The following SQLE variants were observed in gnomAD, a reference collection of about 807,000 sequenced individuals.
The protein encoded by SQLE is squalene epoxidase, also known as squalene monooxygenase.
A neutral mutation model predicts 60.7 loss-of-function variants in SQLE; 29 were observed. The ratio of observed to expected loss-of-function variants is 0.48; its 90% CI spans 0.36 to 0.65. The LOEUF (loss-of-function observed/expected upper bound fraction) is 0.65. Among genes scored for constraint, SQLE ranks in the 30% least tolerant of loss-of-function variants. The probability of loss-of-function intolerance (pLI) is 0.00; values close to 1 mark genes in which losing one functional copy is unlikely to be tolerated. For missense variants in SQLE, 605 were observed against 684.1 expected (o/e 0.88, Z 1.29); for synonymous variants, 237 against 246.8 (o/e 0.96, Z 0.37).
intron 8 of SQLE, 146 bp from the exon 9 acceptor site, chr8:125,018,485 T>C (rs1815145816): frequency 3.0e-6 from 2 of 672,460 alleles, no homozygotes; most frequent in African/African-American, 1.8e-5. Flanking sequence ...AAGGTGATTT[T>C]TTATTTTTTT....
Position 125,011,893 on chromosome 8 carries a change from C to T in SQLE, c.1204+261C>T, listed in dbSNP as rs746334868. 1.0e-4 allele frequency among the ~76,000 whole-genome samples: 10 copies of T among 96,948 alleles called. 1 individual carries two copies. The highest frequency in any genetic ancestry group is 2.0e-4 in the Non-Finnish European group (10 of 48,842). 63.6% of individuals were successfully genotyped at this position (96,948 alleles called of 152,430 possible). A position where few individuals can be genotyped will look rare whatever the true frequency, so the allele number is the denominator to read the frequency against. Reference sequence around the variant, plus strand: ...GCAATTTTCTACTTAGGAATGTAGACAGATAATTTTACAACACTGTTGATA... The same window carrying T: ...GCAATTTTCTACTTAGGAATGTAGATAGATAATTTTACAACACTGTTGATA... On this transcript the variant is annotated intron_variant, in intron 7 of 10. Transcript: ENST00000265896.
chr8:125,012,257 AACTT>A (rs1156832888), intron 7 of SQLE, among the ~76,000 whole-genome samples: 1 of 152,198 alleles, frequency 6.6e-6, no homozygotes, highest in Non-Finnish European at 1.5e-5. Context: ...TCTTGTTACT[AACTT>A]TATTGATATA....
intron 7 of SQLE, among the ~76,000 whole-genome samples, chr8:125,013,958 A>G (rs1301437194): frequency 2.0e-5 from 3 of 152,090 alleles, no homozygotes; most frequent in African/African-American, 7.2e-5. Flanking sequence ...TAAGTATTTT[A>G]CCTTTTTTGA....
At chr8:125,021,125 A>G (rs1443884702) in intron 10 of SQLE, among the ~76,000 whole-genome samples, 1 of 152,310 alleles carries the variant, frequency 6.6e-6, no homozygotes. Flanking sequence ...TTTTTTGCCT[A>G]TGGATTTATC....
intron 7 of SQLE, among the ~76,000 whole-genome samples, chr8:125,015,891 C>T (rs752833043): frequency 3.3e-5 from 5 of 150,998 alleles, no homozygotes; most frequent in Non-Finnish European, 7.4e-5. Context: ...CATAAAAGTT[C>T]TTTTCCTTCA....
intron 8 of SQLE, 89 bp from the exon 9 acceptor site, chr8:125,018,542 A>G (rs1815146700): frequency 1.2e-6 from 1 of 827,122 alleles, no homozygotes; most frequent in Non-Finnish European, 1.9e-6. Context: ...TAGTCCTTAG[A>G]AGGATAAGTA....
chr8:125,004,493 A>G lies in SQLE; in HGVS notation c.545-1032A>G, dbSNP rs138242147. ...ATTAGTTCATAGTATCACCAGTAGT[A>G]TATGAATTTATCAGTTTTATCATAA... On this transcript the variant is annotated intron_variant, in intron 2 of 10. Transcript: ENST00000265896. 4.1e-3 allele frequency among the ~76,000 whole-genome samples: 627 copies of G among 152,150 alleles called. 7 individuals carry two copies. Among genetic ancestry groups the G allele is most frequent in the African/African-American group, 0.013 (554 of 41,554 alleles).
chr8:125,007,341 A>T, intron 3 of SQLE, 50 bp from the exon 4 acceptor site: 1 of 1,354,832 alleles, frequency 7.4e-7, no homozygotes, highest in Non-Finnish European at 1.0e-6. Context: ...TATTTAATTT[A>T]AATTGCTGAA....
chr8:125,021,552 G>A (rs188320055), intron 10 of SQLE, among the ~76,000 whole-genome samples: 20 of 150,478 alleles, frequency 1.3e-4, no homozygotes, highest in African/African-American at 4.9e-4. Context: ...GGGGGGTGGG[G>A]GGTTTGCTCC....
intron 1 of SQLE, among the ~76,000 whole-genome samples, chr8:125,002,947 TATTTA>T (rs1171188420): frequency 6.6e-6 from 1 of 152,220 alleles, no homozygotes; most frequent in Non-Finnish European, 1.5e-5. Context: ...AAACAATAAA[TATTTA>T]ATTTTATTGG....
At chr8:125,001,278 A>G (rs181364461) in intron 1 of SQLE, among the ~76,000 whole-genome samples, 220 of 152,270 alleles carry the variant, frequency 1.4e-3, no homozygotes, top group African/African-American at 5.0e-3. Context: ...AAATTGGGTT[A>G]CCAGCAATCA....
chr8:125,009,342 T>G lies in SQLE; in HGVS notation c.1107T>G (p.Pro369=). ...YMVEKIYPQI[P]DHLKEPFLEA... Reference sequence around the variant, plus strand: ...TTGAAAAAATTTACCCACAAATACCTGGTAAGAAATAGCATCTTCAGTTCT... The same window carrying G: ...TTGAAAAAATTTACCCACAAATACCGGGTAAGAAATAGCATCTTCAGTTCT... Residue 369 remains proline, a splice_region_variant and synonymous_variant, in exon 6 of 11, where the codon CCT becomes CCG. Transcript: ENST00000265896. The G allele has an allele frequency of 6.2e-7, 1 of 1,609,822 alleles. No homozygotes were observed. Among genetic ancestry groups the G allele is most frequent in the Non-Finnish European group, 8.5e-7 (1 of 1,178,220 alleles).
In SQLE at chr8:125,012,403, T is replaced by C. The variant is rs554968281; in HGVS notation, c.1204+771T>C. 2.6e-5 allele frequency among the ~76,000 whole-genome samples: 4 copies of C among 152,260 alleles called. No homozygotes were observed. In the East Asian group the frequency reaches 5.8e-4, roughly 22 times the overall value. ...CTTGCCCAAAGAAACCCCGTACCCA[T>C]TGGTATTCACTCCCCATTTCCTCCC... On this transcript the variant is annotated intron_variant, in intron 7 of 10. Coordinates refer to ENST00000265896, the MANE Select transcript of SQLE (RefSeq NM_003129.4).
At chr8:125,002,841 T>TA (rs1228648780) in intron 1 of SQLE, among the ~76,000 whole-genome samples, 3 of 152,216 alleles carry the variant, frequency 2.0e-5, no homozygotes, top group Non-Finnish European at 4.4e-5. Flanking sequence ...TGCCCTATAA[T>TA]AAGTCTTTGA....
At chr8:125,013,318 T>A (rs1391421567) in intron 7 of SQLE, among the ~76,000 whole-genome samples, 4 of 151,370 alleles carry the variant, frequency 2.6e-5, no homozygotes, top group Middle Eastern at 3.2e-3. Context: ...CTTTGTCCAA[T>A]CTAAGTTCAA....
chr8:124,998,955 G>T lies in SQLE; in HGVS notation c.-449G>T, dbSNP rs537397254. On this transcript the variant is annotated 5_prime_UTR_variant, in exon 1 of 11. Transcript: ENST00000265896. ...AGGCCACGTTTCCCCCAGTGCCGAGGTGTTTCTGTGACCCTCCCTCCACTC... is the reference window on the plus strand; with the variant it reads ...AGGCCACGTTTCCCCCAGTGCCGAGTTGTTTCTGTGACCCTCCCTCCACTC... The T allele has an allele frequency of 3.4e-5, 11 of 323,294 alleles. No homozygotes were observed. The highest frequency in any genetic ancestry group is 5.6e-5 in the Non-Finnish European group (10 of 178,696). 20.0% of individuals were successfully genotyped at this position (323,294 alleles called of 1,614,324 possible).
At position 124,998,570 on chromosome 8, in the gene SQLE, C is replaced by T. The variant is rs1321686295; in HGVS notation, c.-834C>T. On this transcript the variant is annotated 5_prime_UTR_variant, in exon 1 of 11. Transcript: ENST00000265896. The stretch of plus-strand genomic sequence containing the variant: ...GTTACTCTGGTTACTGGGGCCGCGC[C>T]GCGCTGGCGAGAGCCGCCGCCCGCG... The T allele has an allele frequency of 5.8e-6, 4 of 683,928 alleles. No individual in the cohort carries two copies. The highest frequency in any genetic ancestry group is 1.1e-5 in the Non-Finnish European group (4 of 376,794). The allele number at this position is 683,928 out of a possible 1,614,324, so 42.4% of individuals were successfully genotyped here.
At chr8:125,015,585 A>G (rs903264427) in intron 7 of SQLE, among the ~76,000 whole-genome samples, 5 of 152,184 alleles carry the variant, frequency 3.3e-5, no homozygotes, top group African/African-American at 9.6e-5. Context: ...CTTGCAGGTC[A>G]TATCTTATAA....
At position 125,011,556 on chromosome 8, in the gene SQLE, C is replaced by G; in HGVS notation, c.1128C>G (p.Phe376Leu). ...TTGCAGATCACCTGAAAGAACCATTCTTAGAAGCCACTGACAATTCTCATC... is the reference window on the plus strand; with the variant it reads ...TTGCAGATCACCTGAAAGAACCATTGTTAGAAGCCACTGACAATTCTCATC... ...PQIPDHLKEP[F>L]LEATDNSHLR... The change falls in exon 7 of 11, where the codon TTC becomes TTG. Residue 376 changes from phenylalanine to leucine, a missense_variant. Physicochemically the swap from Phe to Leu is conservative, Grantham distance 22 (BLOSUM62 0). Coordinates refer to ENST00000265896, the MANE Select transcript of SQLE (RefSeq NM_003129.4). 1 of 1,584,740 alleles carries G rather than the reference C, an allele frequency of 6.3e-7. No homozygotes were observed. Among genetic ancestry groups the G allele is most frequent in the Non-Finnish European group, 8.6e-7 (1 of 1,163,852 alleles).
Sources: gnomAD v4.1 joint callset for allele counts (sites outside exome capture counted in the v4.1 genomes callset) on GRCh38, gnomAD v4.1.1 for gene constraint, MANE v1.5 for transcripts, NCBI Gene and HGNC (gene_info 2026-07-23, HGNC 2026-07-21) for gene names.